ADCY3: variants seen among roughly 807,000 people sequenced by gnomAD.
ADCY3 encodes the protein adenylate cyclase type 3.
In ADCY3, 70 loss-of-function variants were observed where a neutral mutation model predicts 119.4. The ratio of observed to expected loss-of-function variants is 0.59; its 90% confidence interval spans 0.48 to 0.72. ADCY3 has a LOEUF of 0.72. ADCY3 is among the 30% of genes least tolerant of loss of function. ADCY3 has a pLI of 0.00. For synonymous variants in ADCY3, 672 were observed against 621.4 expected (o/e 1.08, Z -1.21); for missense variants, 1,238 against 1,541.6 (o/e 0.80, Z 3.30).
intron 3 of ADCY3, among the ~76,000 whole-genome samples, chr2:24,852,669 T>C (rs1672466908): frequency 6.6e-6 from 1 of 152,280 alleles, no homozygotes; most frequent in East Asian, 1.9e-4. Flanking sequence ...GGCCTGCTGC[T>C]CCCCAACACC....
rs559768992 is a variant in ADCY3, at chr2:24,848,260, A to G, written c.826-5876T>C. ...TTAACGGCATTCTTAAGCCACAAAC[A>G]ATAGCATGAGCAATCTGTGCCTTAA... On this transcript the variant is annotated intron_variant, in intron 3 of 21. Coordinates refer to ENST00000679454, the MANE Select transcript of ADCY3 (RefSeq NM_004036.5). Among the ~76,000 whole-genome samples, 4 of 152,376 alleles carry G rather than the reference A, an allele frequency of 2.6e-5. No homozygotes were observed. In the East Asian group the frequency reaches 5.8e-4, roughly 22 times the overall value.
chr2:24,845,989 G>A (rs1572873099), intron 3 of ADCY3, among the ~76,000 whole-genome samples: 1 of 152,236 alleles, frequency 6.6e-6, no homozygotes, highest in African/African-American at 2.4e-5. Flanking sequence ...TAAGCCTGTG[G>A]GCACACAGAA....
At chr2:24,905,988 C>G (rs777268649) in intron 2 of ADCY3, among the ~76,000 whole-genome samples, 1 of 152,092 alleles carries the variant, frequency 6.6e-6, no homozygotes, top group Non-Finnish European at 1.5e-5. Flanking sequence ...CCCTTCACTA[C>G]GCCGTAATTG....
intron 2 of ADCY3, among the ~76,000 whole-genome samples, chr2:24,910,955 C>A (rs887639241): frequency 3.3e-5 from 5 of 152,038 alleles, no homozygotes; most frequent in African/African-American, 1.2e-4. Flanking sequence ...TTAATATTTT[C>A]TTGATGAGTT....
rs575502730 is a variant in ADCY3 at position 24,863,006 on chromosome 2, T to C, written c.825+9564A>G. Among the ~76,000 whole-genome samples the C allele has an allele frequency of 2.6e-4, 39 of 152,224 alleles. 1 individual carries two copies. The highest frequency in any genetic ancestry group is 9.1e-4 in the African/African-American group (38 of 41,534). On this transcript the variant is annotated intron_variant, in intron 3 of 21. Coordinates refer to ENST00000679454, the MANE Select transcript of ADCY3 (RefSeq NM_004036.5). ...CTTGGCTCTCAGCTGCTATACTATG[T>C]GAGAGGAAGGTGTTACATTTATAAT...
intron 3 of ADCY3, among the ~76,000 whole-genome samples, chr2:24,871,725 A>G (rs142739232): frequency 3.7e-4 from 56 of 152,354 alleles, no homozygotes; most frequent in African/African-American, 1.2e-3. Context: ...CAACCTATTG[A>G]GTTTGTTTTT....
intron 2 of ADCY3, among the ~76,000 whole-genome samples, chr2:24,900,835 C>T (rs993771531): frequency 2.0e-5 from 3 of 152,082 alleles, no homozygotes; most frequent in African/African-American, 4.8e-5. Context: ...GAGGCCGAGA[C>T]GGGTGGATCA....
rs1671082109 is a variant in ADCY3 at position 24,842,139 on chromosome 2, T to G, written c.956+115A>C. The G allele has an allele frequency of 3.4e-6, 5 of 1,463,982 alleles. No individual in the cohort carries two copies. In the African/African-American group the frequency reaches 7.0e-5, roughly 20 times the overall value. 90.7% of individuals were successfully genotyped at this position (1,463,982 alleles called of 1,614,324 possible). ...AGGCTGATGAATGCTGTGGGAGGCC[T>G]TGCTTCTAGTCCCTGGAAAACCTCT... is the stretch of plus-strand genomic sequence containing the variant. On this transcript the variant is annotated intron_variant, in intron 4 of 21. Transcript: ENST00000679454. The surrounding 1 kb of genome is among the most constrained non-coding windows in gnomAD (Gnocchi z 4.9).
intron 2 of ADCY3, among the ~76,000 whole-genome samples, chr2:24,883,294 G>C (rs532946186): frequency 1.3e-5 from 2 of 152,282 alleles, no homozygotes; most frequent in South Asian, 4.2e-4. Context: ...GTTGCAGTGA[G>C]CTGAGATCTC....
chr2:24,854,776 A>G (rs1672805767), intron 3 of ADCY3, among the ~76,000 whole-genome samples: 1 of 152,088 alleles, frequency 6.6e-6, no homozygotes, highest in East Asian at 1.9e-4. Flanking sequence ...CAGCCTGGGC[A>G]TGGTGGATCA....
chr2:24,902,149 T>C (rs962848854), intron 2 of ADCY3, among the ~76,000 whole-genome samples: 1 of 148,412 alleles, frequency 6.7e-6, no homozygotes, highest in Middle Eastern at 3.2e-3. Flanking sequence ...GTTGTGATCA[T>C]GGCTCACTGC....
Position 24,834,391 on chromosome 2 carries a change from A to G in ADCY3, c.1967+94T>C. 7.1e-7 allele frequency: 1 copy of G among 1,410,982 alleles called. No homozygotes were observed. The highest frequency in any genetic ancestry group is 2.1e-5 in the Admixed American group (1 of 46,942). The allele number at this position is 1,410,982 out of a possible 1,614,324, so 87.4% of individuals were successfully genotyped here. ...GGGAGCAGAGACTGGCTTGCTCCCC[A>G]ATGTCAGGCTCCCGCTGAGACACCT... On this transcript the variant is annotated intron_variant, in intron 11 of 21. Transcript: ENST00000679454. The surrounding 1 kb of genome is among the most constrained non-coding windows in gnomAD (Gnocchi z 4.2).
intron 2 of ADCY3, among the ~76,000 whole-genome samples, chr2:24,889,884 CAA>C (rs1677480108): frequency 6.6e-6 from 1 of 152,212 alleles, no homozygotes; most frequent in African/African-American, 2.4e-5. Flanking sequence ...CCAGACTGCA[CAA>C]GTCATGTGCT....
intron 2 of ADCY3, among the ~76,000 whole-genome samples, chr2:24,901,268 A>G (rs899547724): frequency 4.6e-5 from 7 of 152,202 alleles, no homozygotes; most frequent in Admixed American, 4.6e-4. Context: ...AAGGCCATGC[A>G]TTTATTTCTG....
chr2:24,849,457 T>TG (rs143971567), intron 3 of ADCY3, among the ~76,000 whole-genome samples: 5,067 of 152,288 alleles, frequency 0.033, 122 homozygotes, highest in African/African-American at 0.055. Context: ...AGCTTCTCTC[T>TG]GGGGGTGGGA....
intron 20 of ADCY3, chr2:24,821,056 C>CCA: frequency 3.1e-6 from 2 of 648,316 alleles, no homozygotes; most frequent in Non-Finnish European, 5.1e-6. Flanking sequence ...CACCCCCCCC[C>CCA]CATATGCAGA....
chr2:24,851,502 C>A (rs1378467825), intron 3 of ADCY3, among the ~76,000 whole-genome samples: 1 of 152,196 alleles, frequency 6.6e-6, no homozygotes, highest in Non-Finnish European at 1.5e-5. Context: ...ATGAAGTTGT[C>A]TGTTACACAT....
chr2:24,883,835 C>G (rs538359777), intron 2 of ADCY3, among the ~76,000 whole-genome samples: 1 of 152,168 alleles, frequency 6.6e-6, no homozygotes, highest in Non-Finnish European at 1.5e-5. Flanking sequence ...CACAGAAACA[C>G]CAAGCCCTTA....
intron 18 of ADCY3, 77 bp downstream of exon 18, chr2:24,823,132 C>T: frequency 6.6e-7 from 1 of 1,507,482 alleles, no homozygotes; most frequent in Non-Finnish European, 8.9e-7. Flanking sequence ...TTTCTCTGGC[C>T]TCTGCAGCCT....
Sources: allele counts gnomAD v4.1 joint callset (sites outside exome capture counted in the v4.1 genomes callset), GRCh38; gene constraint gnomAD v4.1.1; non-coding constraint Gnocchi (gnomAD v3.1); transcripts MANE v1.5; gene names NCBI Gene and HGNC (gene_info 2026-07-23, HGNC 2026-07-21).